DSCAML1: variants seen among roughly 807,000 people sequenced by gnomAD.
DSCAML1 encodes the protein DS cell adhesion molecule like 1.
DSCAML1 carries 38 observed loss-of-function variants against 200.5 expected under a neutral mutation model. The observed-to-expected ratio is 0.19, with a 90% CI of 0.15 to 0.25. The LOEUF (loss-of-function observed/expected upper bound fraction) is 0.25, where lower values mean the gene tolerates loss of function less well. Ranked by LOEUF, DSCAML1 falls within the 10% of genes least tolerant of loss-of-function variation. DSCAML1 has a pLI of 1.00. For synonymous variants in DSCAML1, 1,215 were observed against 1,165.0 expected, an observed-to-expected ratio of 1.04 and a Z score of -0.87; for missense variants, 2,223 against 2,858.8, an observed-to-expected ratio of 0.78 and a Z score of 5.07.
At chr11:117,603,475 T>C (rs374577532) in intron 3 of DSCAML1, among the ~76,000 whole-genome samples, 6 of 152,220 alleles carry the variant, frequency 3.9e-5, no homozygotes, top group African/African-American at 1.4e-4. Flanking sequence ...CTTCTTCATC[T>C]GTAAAATGGT....
At chr11:117,491,467 G>A (rs150679685) in intron 11 of DSCAML1, among the ~76,000 whole-genome samples, 49 of 152,320 alleles carry the variant, frequency 3.2e-4, no homozygotes, top group African/African-American at 1.1e-3. Context: ...CATCCATGAC[G>A]TAAGAATGTG....
chr11:117,777,052 C>T, intron 2 of DSCAML1, 115 bp from the exon 3 acceptor site: 1 of 1,109,730 alleles, frequency 9.0e-7, no homozygotes, highest in Non-Finnish European at 1.3e-6. Flanking sequence ...CTCACCTTCC[C>T]ACTTCTTCCT....
At chr11:117,593,136 G>C (rs2051291077) in intron 3 of DSCAML1, among the ~76,000 whole-genome samples, 1 of 152,132 alleles carries the variant, frequency 6.6e-6, no homozygotes, top group Non-Finnish European at 1.5e-5. Flanking sequence ...GAGGGGCATA[G>C]GCCCAGCTCC....
At chr11:117,750,472 A>G (rs73585248) in intron 3 of DSCAML1, among the ~76,000 whole-genome samples, 2,638 of 152,300 alleles carry the variant, frequency 0.017, 67 homozygotes, top group African/African-American at 0.059. Flanking sequence ...CAAAGGCTGT[A>G]CCTGCAGGCA....
At chr11:117,667,305 G>A (rs540287471) in intron 3 of DSCAML1, among the ~76,000 whole-genome samples, 19 of 152,298 alleles carry the variant, frequency 1.2e-4, no homozygotes, top group Non-Finnish European at 1.0e-4. Flanking sequence ...CTAGCTACTC[G>A]GGAGGTTGAG....
intron 4 of DSCAML1, 143 bp downstream of exon 4, chr11:117,532,233 C>A (rs1276562515): frequency 2.7e-6 from 2 of 733,520 alleles, no homozygotes; most frequent in East Asian, 5.8e-5. Flanking sequence ...GGTTTCAGTA[C>A]CTGATTTCTT....
intron 3 of DSCAML1, among the ~76,000 whole-genome samples, chr11:117,643,199 A>C (rs2052447195): frequency 6.6e-6 from 1 of 152,168 alleles, no homozygotes; most frequent in South Asian, 2.1e-4. Flanking sequence ...AAACTTATGG[A>C]CCATCTAACC....
Position 117,458,930 on chromosome 11 carries a change from C to T in DSCAML1, c.3413-21G>A, listed in dbSNP as rs777105966. Reference sequence around the variant, plus strand: ...CCACTCTGCCAGAGACCAGCAAACTCTGAGGACCCAGCTCCATCGGGCTGT... The same window carrying T: ...CCACTCTGCCAGAGACCAGCAAACTTTGAGGACCCAGCTCCATCGGGCTGT... On this transcript the variant is annotated intron_variant, in intron 18 of 32. Transcript: ENST00000651296. 3 of 1,610,076 alleles carry T rather than the reference C, an allele frequency of 1.9e-6. No individual in the cohort carries two copies. In the East Asian group the frequency reaches 6.7e-5, roughly 36 times the overall value.
chr11:117,646,445 C>G (rs2052524311), intron 3 of DSCAML1, among the ~76,000 whole-genome samples: 1 of 152,208 alleles, frequency 6.6e-6, no homozygotes, highest in South Asian at 2.1e-4. Context: ...CCCCCCAAGT[C>G]CTACTCAGAG....
chr11:117,734,994 G>A (rs905839736), intron 3 of DSCAML1, among the ~76,000 whole-genome samples: 3 of 152,188 alleles, frequency 2.0e-5, no homozygotes, highest in African/African-American at 7.2e-5. Flanking sequence ...ACTTGGGGAG[G>A]GGGGCGTTTA....
chr11:117,625,745 C>T (rs2052029001), intron 3 of DSCAML1, among the ~76,000 whole-genome samples: 2 of 152,232 alleles, frequency 1.3e-5, no homozygotes, highest in African/African-American at 4.8e-5. Flanking sequence ...CAGGCATTTT[C>T]TTACTAACAA....
At chr11:117,628,843 T>G (rs966660366) in intron 3 of DSCAML1, among the ~76,000 whole-genome samples, 11 of 152,264 alleles carry the variant, frequency 7.2e-5, no homozygotes, top group Admixed American at 5.2e-4. Context: ...ATTTTACAGG[T>G]GAAGGCAGTG....
chr11:117,497,947 CAG>C (rs2049323950), intron 11 of DSCAML1, among the ~76,000 whole-genome samples: 1 of 152,238 alleles, frequency 6.6e-6, no homozygotes. Context: ...CTCGCCCAAT[CAG>C]GGGGACTCAC....
intron 27 of DSCAML1, 27 bp downstream of exon 27, chr11:117,435,617 T>C (rs1250985327): frequency 9.5e-6 from 15 of 1,571,540 alleles, no homozygotes; most frequent in Non-Finnish European, 1.3e-5. Flanking sequence ...CACCCCCTCC[T>C]GGAAGGCCCA....
chr11:117,547,323 A>G lies in DSCAML1; in HGVS notation c.512-14801T>C, dbSNP rs575440176. ...AATCACTGTTATTACAATTCGGGAAAGCTACCTCCTTGCAACAGAACCCCA... is the reference window on the plus strand; with the variant it reads ...AATCACTGTTATTACAATTCGGGAAGGCTACCTCCTTGCAACAGAACCCCA... On this transcript the variant is annotated intron_variant, in intron 3 of 32. Coordinates refer to ENST00000651296, the MANE Select transcript of DSCAML1 (RefSeq NM_020693.4). 2.0e-5 allele frequency among the ~76,000 whole-genome samples: 3 copies of G among 152,324 alleles called. No homozygotes were observed. In the East Asian group the frequency reaches 5.8e-4, roughly 29 times the overall value.
chr11:117,674,762 T>A (rs2053176702), intron 3 of DSCAML1, among the ~76,000 whole-genome samples: 1 of 152,150 alleles, frequency 6.6e-6, no homozygotes, highest in Non-Finnish European at 1.5e-5. Flanking sequence ...GATGGCCCTT[T>A]AAATCTCTGC....
Position 117,435,797 on chromosome 11 carries a change from T to A in DSCAML1, c.4723A>T (p.Thr1575Ser), listed in dbSNP as rs1324973128. 1.2e-6 allele frequency: 2 copies of A among 1,603,260 alleles called. No homozygotes were observed. ...TGAGCAGACTTGATGGGTGGAATGG[T>A]GCCTGAATGAGGGCAAAGAATAGAA... Reference protein sequence around the residue: ...QFATLDYDGSTIPPIKSAQGE... With the variant: ...QFATLDYDGSSIPPIKSAQGE... The change falls in exon 27 of 33, where the codon ACC becomes TCC. Residue 1575 changes from threonine to serine, a missense_variant and splice_region_variant. Thr to Ser is a moderately conservative substitution (Grantham distance 58, BLOSUM62 1). Transcript: ENST00000651296.
intron 3 of DSCAML1, among the ~76,000 whole-genome samples, chr11:117,726,725 G>T (rs529701911): frequency 1.3e-5 from 2 of 152,190 alleles, no homozygotes; most frequent in Non-Finnish European, 2.9e-5. Context: ...AGGACCCCAT[G>T]ATCCCCAAAG....
intron 1 of DSCAML1, among the ~76,000 whole-genome samples, chr11:117,814,848 ACTC>A (rs1328096692): frequency 6.6e-6 from 1 of 152,072 alleles, no homozygotes; most frequent in African/African-American, 2.4e-5. Flanking sequence ...CCTCCAGGCT[ACTC>A]CTGGATGATT....
Sources: allele counts gnomAD v4.1 joint callset (sites outside exome capture counted in the v4.1 genomes callset), GRCh38; gene constraint gnomAD v4.1.1; transcripts MANE v1.5; gene names NCBI Gene and HGNC (gene_info 2026-07-23, HGNC 2026-07-21).